The following IRF2 variants were observed in gnomAD, a reference collection of about 807,000 sequenced individuals.
IRF2 encodes the protein interferon regulatory factor 2.
In IRF2, 15 loss-of-function variants were observed where a neutral mutation model predicts 40.6. The ratio of observed to expected loss-of-function variants is 0.37; its 90% confidence interval spans 0.25 to 0.57. The LOEUF (loss-of-function observed/expected upper bound fraction) is 0.57, where lower values mean the gene tolerates loss of function less well. Ranked by LOEUF, IRF2 falls within the 20% of genes least tolerant of loss-of-function variation. The pLI, the probability that IRF2 is intolerant of heterozygous loss-of-function variation, is 0.77. For missense variants in IRF2, 317 were observed against 455.7 expected (o/e 0.70, Z 2.77); for synonymous variants, 151 against 165.5 (o/e 0.91, Z 0.67).
In IRF2 at chr4:184,419,573, A is replaced by G. The variant is rs1737406079; in HGVS notation, c.88-5T>C. The G allele has an allele frequency of 5.4e-6, 4 of 742,420 alleles. No homozygotes were observed. Among genetic ancestry groups the G allele is most frequent in the East Asian group, 6.1e-5 (1 of 16,302 alleles). The allele number at this position is 742,420 out of a possible 1,614,324, so 46.0% of individuals were successfully genotyped here. ...GATCTGAAAAATCTTCTTTTCCTGA[A>G]AAAAAAAAAAAAAAAAAAGGTAAAG... is the stretch of plus-strand genomic sequence containing the variant. On this transcript the variant is annotated splice_polypyrimidine_tract_variant and splice_region_variant and intron_variant, in intron 2 of 8. Transcript: ENST00000393593.
At chr4:184,440,779 T>C (rs1409515352) in intron 1 of IRF2, among the ~76,000 whole-genome samples, 4 of 152,218 alleles carry the variant, frequency 2.6e-5, no homozygotes, top group South Asian at 4.1e-4. Context: ...CTCTTCATAC[T>C]CACTTGGGTG....
chr4:184,445,654 C>CAAAAAAAA (rs386683242), intron 1 of IRF2, among the ~76,000 whole-genome samples: 1 of 120,870 alleles, frequency 8.3e-6, no homozygotes, highest in Non-Finnish European at 1.6e-5. Context: ...GACTCCATCA[C>CAAAAAAAA]AAAAAAAAAA....
intron 1 of IRF2, among the ~76,000 whole-genome samples, chr4:184,471,132 T>G (rs1387761259): frequency 6.6e-6 from 1 of 152,244 alleles, no homozygotes; most frequent in Non-Finnish European, 1.5e-5. Flanking sequence ...AAGAATAATC[T>G]GATATAATTT....
At chr4:184,444,154 T>G (rs1232606919) in intron 1 of IRF2, among the ~76,000 whole-genome samples, 1 of 152,180 alleles carries the variant, frequency 6.6e-6, no homozygotes, top group Non-Finnish European at 1.5e-5. Flanking sequence ...GAGCCAGCCT[T>G]GGCTAGTGAC....
chr4:184,474,497 G>C lies in IRF2; in HGVS notation c.-125C>G, dbSNP rs1015071121. 6.6e-6 allele frequency: 1 copy of C among 152,296 alleles called. No individual in the cohort carries two copies. The highest frequency in any genetic ancestry group is 2.4e-5 in the African/African-American group (1 of 41,438). 9.4% of individuals were successfully genotyped at this position (152,296 alleles called of 1,614,324 possible). A position where few individuals can be genotyped will look rare whatever the true frequency, so the allele number is the denominator to read the frequency against. On this transcript the variant is annotated 5_prime_UTR_variant, in exon 1 of 9. Transcript: ENST00000393593. The surrounding 1 kb of genome is among the most constrained non-coding windows in gnomAD (Gnocchi z 5.6). The stretch of plus-strand genomic sequence containing the variant: ...AATAATCGCAGGAGCAAAACTAAAA[G>C]TTACTCCCCGGCTTGCCTGAGAACA...
In IRF2 at chr4:184,388,972, G is replaced by A. The variant is rs2149889322; in HGVS notation, c.836C>T (p.Ser279Phe). The A allele has an allele frequency of 6.2e-7, 1 of 1,614,202 alleles. No homozygotes were observed. Among genetic ancestry groups the A allele is most frequent in the African/African-American group, 1.3e-5 (1 of 75,046 alleles). The change falls in exon 9 of 9, where the codon TCC (serine) becomes TTC (phenylalanine). Residue 279 changes from serine to phenylalanine, a missense_variant. By Grantham distance (155) the Ser-to-Phe change is radical. Transcript: ENST00000393593. The surrounding 1 kb of genome is among the most constrained non-coding windows in gnomAD (Gnocchi z 4.6). The part of the protein sequence containing the change: ...RGSYLLPGMA[S>F]FVTSNKPDLQ... Reference sequence around the variant, plus strand: ...GTCCGGTTTGTTGGAAGTGACGAAGGACGCCATGCCGGGCAGCAGGTAGGA... The same window carrying A: ...GTCCGGTTTGTTGGAAGTGACGAAGAACGCCATGCCGGGCAGCAGGTAGGA...
chr4:184,416,328 C>CAAAAAAAAAAAAA (rs35274774), intron 5 of IRF2, among the ~76,000 whole-genome samples: 40 of 100,086 alleles, frequency 4.0e-4, no homozygotes, highest in East Asian at 1.4e-3. Flanking sequence ...AAAAAAAAAA[C>CAAAAAAAAAAAAA]AAAAAAAAAA....
At chr4:184,462,442 C>T (rs188087822) in intron 1 of IRF2, among the ~76,000 whole-genome samples, 1 of 152,120 alleles carries the variant, frequency 6.6e-6, no homozygotes, top group Non-Finnish European at 1.5e-5. Context: ...CAATTACAGT[C>T]AAAGAGAACA....
At chr4:184,460,685 GCACACACACACATGCACACGCA>G (rs1739111345) in intron 1 of IRF2, among the ~76,000 whole-genome samples, 1 of 109,548 alleles carries the variant, frequency 9.1e-6, no homozygotes, top group Non-Finnish European at 2.1e-5. Context: ...ACACATGCAC[GCACACACACACATGCACACGCA>G]CACACACACA....
chr4:184,401,854 T>C (rs895143232), intron 6 of IRF2, among the ~76,000 whole-genome samples: 2 of 152,180 alleles, frequency 1.3e-5, no homozygotes, highest in Non-Finnish European at 2.9e-5. Context: ...TCAAAACTCA[T>C]CTCTCCTTTG....
At chr4:184,420,030 GC>G (rs1372008299) in intron 2 of IRF2, among the ~76,000 whole-genome samples, 1 of 152,154 alleles carries the variant, frequency 6.6e-6, no homozygotes, top group Non-Finnish European at 1.5e-5. Context: ...ACCACGCCTG[GC>G]CAAGTTTTGT....
chr4:184,412,403 C>A (rs1018457489), intron 5 of IRF2, among the ~76,000 whole-genome samples: 2 of 152,200 alleles, frequency 1.3e-5, no homozygotes, highest in Non-Finnish European at 2.9e-5. Context: ...TGTCTCAACC[C>A]TGTGCTAATG....
Position 184,399,401 on chromosome 4 carries a change from T to C in IRF2, c.530-322A>G, listed in dbSNP as rs1186329341. The stretch of plus-strand genomic sequence containing the variant: ...CGAGGCCACAGGACCAGAGGCGGCA[T>C]CCAGCCCCAGCCCCAGGGCCAGACA... On this transcript the variant is annotated intron_variant, in intron 6 of 8. Transcript: ENST00000393593. Among the ~76,000 whole-genome samples, 5 of 152,216 alleles carry C rather than the reference T, an allele frequency of 3.3e-5. No homozygotes were observed. The East Asian group carries it at 7.7e-4, about 23-fold the overall frequency.
At chr4:184,431,743 G>C (rs182101615) in intron 1 of IRF2, among the ~76,000 whole-genome samples, 1 of 152,212 alleles carries the variant, frequency 6.6e-6, no homozygotes. Context: ...TGGCGCTGCA[G>C]CTGAGCCTGA....
chr4:184,443,002 T>C (rs1738370622), intron 1 of IRF2, among the ~76,000 whole-genome samples: 1 of 152,088 alleles, frequency 6.6e-6, no homozygotes. Flanking sequence ...CTCTGCTCAC[T>C]GCACCCTCCG....
chr4:184,428,775 G>T (rs1165650382), intron 2 of IRF2: 4 of 590,940 alleles, frequency 6.8e-6, no homozygotes, highest in Non-Finnish European at 1.3e-5. Flanking sequence ...CTCCAGCGTG[G>T]GCCATATAGT....
chr4:184,426,301 C>T (rs1737671448), intron 2 of IRF2, among the ~76,000 whole-genome samples: 1 of 152,116 alleles, frequency 6.6e-6, no homozygotes, highest in Admixed American at 6.5e-5. Flanking sequence ...CAGGCGTGAG[C>T]CACTGCGCCC....
At chr4:184,426,097 C>A (rs1347417855) in intron 2 of IRF2, among the ~76,000 whole-genome samples, 5 of 152,246 alleles carry the variant, frequency 3.3e-5, no homozygotes, top group Middle Eastern at 3.4e-3. Context: ...ACCACTGCAA[C>A]CTCAACCTCC....
At chr4:184,409,506 G>A (rs1463080268) in intron 5 of IRF2, among the ~76,000 whole-genome samples, 3 of 152,286 alleles carry the variant, frequency 2.0e-5, no homozygotes, top group South Asian at 2.1e-4. Flanking sequence ...CGTAAGGGCA[G>A]GCCCAGAATA....
Sources: gnomAD v4.1 joint callset for allele counts (sites outside exome capture counted in the v4.1 genomes callset) on GRCh38, gnomAD v4.1.1 for gene constraint, Gnocchi (gnomAD v3.1) non-coding constraint, MANE v1.5 for transcripts, NCBI Gene and HGNC (gene_info 2026-07-23, HGNC 2026-07-21) for gene names.